LINGO2: variants seen among roughly 807,000 people sequenced by gnomAD.
LINGO2 encodes leucine-rich repeat and immunoglobulin-like domain-containing nogo receptor-interacting protein 2.
LINGO2 carries 14 observed loss-of-function variants against 30.6 expected under a neutral mutation model. The observed-to-expected ratio is 0.46, with a 90% CI of 0.30 to 0.72. The LOEUF is 0.72. Among genes scored for constraint, LINGO2 ranks in the 30% least tolerant of loss-of-function variants. The pLI is 0.07. For synonymous variants in LINGO2, 317 were observed against 288.5 expected (o/e 1.10, Z -1.00); for missense variants, 729 against 751.7 (o/e 0.97, Z 0.35).
At chr9:28,824,280 T>G in the LINGO2 span, among the ~76,000 whole-genome samples, 1 of 152,122 alleles carries the variant, frequency 6.6e-6, no homozygotes, top group Non-Finnish European at 1.5e-5. Flanking sequence ...TGGAACAAGA[T>G]AGAATATCTG....
the LINGO2 span, among the ~76,000 whole-genome samples, chr9:29,204,751 G>A: frequency 3.9e-5 from 6 of 152,074 alleles, no homozygotes; most frequent in South Asian, 1.0e-3. Context: ...ATAAAATCAT[G>A]TTCACACAGT....
chr9:28,439,583 G>T (rs1235843298), intron 2 of LINGO2, among the ~76,000 whole-genome samples: 1 of 152,022 alleles, frequency 6.6e-6, no homozygotes, highest in African/African-American at 2.4e-5. Flanking sequence ...AGATCTAGTT[G>T]TTTTAAAGCA....
At chr9:28,152,071 A>T (rs1353171103) in intron 4 of LINGO2, among the ~76,000 whole-genome samples, 1 of 152,206 alleles carries the variant, frequency 6.6e-6, no homozygotes, top group Non-Finnish European at 1.5e-5. Context: ...CTGGCAAAAG[A>T]ATAGGCAGAT....
the LINGO2 span, among the ~76,000 whole-genome samples, chr9:28,942,810 T>A: frequency 1.3e-5 from 2 of 152,174 alleles, no homozygotes; most frequent in Admixed American, 1.3e-4. Flanking sequence ...GGGGGCTACT[T>A]GCTATCTCCC....
chr9:28,509,041 A>G (rs1431923474), intron 1 of LINGO2, among the ~76,000 whole-genome samples: 1 of 152,116 alleles, frequency 6.6e-6, no homozygotes, highest in African/African-American at 2.4e-5. Flanking sequence ...AGCAGACTCT[A>G]TGGTATTGTA....
intron 4 of LINGO2, among the ~76,000 whole-genome samples, chr9:28,256,303 C>A (rs569906350): frequency 9.2e-5 from 14 of 151,856 alleles, no homozygotes; most frequent in Non-Finnish European, 1.9e-4. Context: ...ATGTTAGTTC[C>A]TTTTTTTCTT....
At chr9:28,661,870 T>A (rs558767559) in intron 1 of LINGO2, among the ~76,000 whole-genome samples, 1 of 152,286 alleles carries the variant, frequency 6.6e-6, no homozygotes, top group South Asian at 2.1e-4. Flanking sequence ...ACCCACAGTA[T>A]TCATGAGAAC....
the LINGO2 span, among the ~76,000 whole-genome samples, chr9:28,783,558 A>G: frequency 6.6e-6 from 1 of 152,210 alleles, no homozygotes; most frequent in African/African-American, 2.4e-5. Context: ...ATTGCTAAAA[A>G]TAAGGTACTA....
At chr9:29,071,475 A>G in the LINGO2 span, among the ~76,000 whole-genome samples, 1 of 125,096 alleles carries the variant, frequency 8.0e-6, no homozygotes, top group African/African-American at 2.9e-5. Flanking sequence ...CTTGCTTATT[A>G]ACTGGTCATA....
At position 28,005,062 on chromosome 9, in the gene LINGO2, A is replaced by C. The variant is rs569231015; in HGVS notation, c.-36+7293T>G. Among the ~76,000 whole-genome samples the C allele has an allele frequency of 6.6e-5, 10 of 152,326 alleles. No individual in the cohort carries two copies. The South Asian group carries it at 1.9e-3, about 28-fold the overall frequency. On this transcript the variant is annotated intron_variant, in intron 5 of 5. Transcript: ENST00000379992. Reference sequence around the variant, plus strand: ...CCTGATACCCATAATTAGGCAGTACATCTGAAAGTGGCAGGATACAGTTGT... The same window carrying C: ...CCTGATACCCATAATTAGGCAGTACCTCTGAAAGTGGCAGGATACAGTTGT...
the LINGO2 span, among the ~76,000 whole-genome samples, chr9:29,158,121 T>C: frequency 6.6e-6 from 1 of 151,544 alleles, no homozygotes; most frequent in Non-Finnish European, 1.5e-5. Flanking sequence ...GGTGGGCAAA[T>C]TGTTTAAGCT....
At chr9:28,458,733 A>G (rs1824952329) in intron 2 of LINGO2, among the ~76,000 whole-genome samples, 1 of 152,028 alleles carries the variant, frequency 6.6e-6, no homozygotes, top group South Asian at 2.1e-4. Flanking sequence ...ACAAATTCTC[A>G]TTCTCCCATA....
At chr9:28,014,620 C>T (rs763769195) in intron 4 of LINGO2, among the ~76,000 whole-genome samples, 7 of 152,076 alleles carry the variant, frequency 4.6e-5, no homozygotes, top group Admixed American at 2.0e-4. Flanking sequence ...AAATTTCTGA[C>T]GATTATGCAT....
At chr9:28,005,643 AGT>A (rs1491376407) in intron 5 of LINGO2, among the ~76,000 whole-genome samples, 1 of 151,882 alleles carries the variant, frequency 6.6e-6, no homozygotes, top group Non-Finnish European at 1.5e-5. Flanking sequence ...GGCTTGCTTG[AGT>A]GTGTTGTGTT....
At chr9:28,223,501 C>A (rs1821039420) in intron 4 of LINGO2, among the ~76,000 whole-genome samples, 1 of 152,208 alleles carries the variant, frequency 6.6e-6, no homozygotes, top group Non-Finnish European at 1.5e-5. Flanking sequence ...AGTTTCATCA[C>A]CCAAATTTGC....
At chr9:28,150,597 G>A (rs971605574) in intron 4 of LINGO2, among the ~76,000 whole-genome samples, 5 of 152,202 alleles carry the variant, frequency 3.3e-5, no homozygotes, top group African/African-American at 1.2e-4. Context: ...CGATGTTGTA[G>A]TTGAGAGCAG....
the LINGO2 span, among the ~76,000 whole-genome samples, chr9:28,727,004 A>T: frequency 1.3e-5 from 2 of 152,110 alleles, no homozygotes; most frequent in Non-Finnish European, 2.9e-5. Flanking sequence ...GCATTTTGAC[A>T]TCCCAGTTTC....
Position 28,309,775 on chromosome 9 carries a change from C to T in LINGO2, c.-245-14409G>A, listed in dbSNP as rs1388568731. The stretch of plus-strand genomic sequence containing the variant: ...AAATATATGCAAGTTACATAAAAAA[C>T]TCGTGTAAAATACCTAAAGAACTCT... On this transcript the variant is annotated intron_variant, in intron 3 of 5. Transcript: ENST00000379992. 2.0e-5 allele frequency among the ~76,000 whole-genome samples: 3 copies of T among 151,588 alleles called. No homozygotes were observed. The South Asian group carries it at 6.3e-4, about 32-fold the overall frequency.
the LINGO2 span, among the ~76,000 whole-genome samples, chr9:29,000,536 A>T: frequency 4.7e-4 from 71 of 152,058 alleles, no homozygotes; most frequent in South Asian, 9.1e-3. Context: ...TTACTTAAAA[A>T]TTAGAAAGAT....
Sources: gnomAD v4.1 joint callset for allele counts (sites outside exome capture counted in the v4.1 genomes callset) on GRCh38, gnomAD v4.1.1 for gene constraint, MANE v1.5 for transcripts, NCBI Gene and HGNC (gene_info 2026-07-23, HGNC 2026-07-21) for gene names.